Variants in ABAT observed in about 807,000 individuals in gnomAD.
ABAT encodes 4-aminobutyrate aminotransferase, mitochondrial.
ABAT carries 45 observed loss-of-function variants against 64.6 expected under a neutral mutation model. That is an observed-to-expected ratio of 0.70 (90% CI 0.55 to 0.89). The LOEUF is 0.89. Ranked by LOEUF, ABAT falls within the 40% of genes least tolerant of loss-of-function variation. The pLI, the probability that ABAT is intolerant of heterozygous loss-of-function variation, is 0.00. For missense variants in ABAT, 633 were observed against 658.4 expected (o/e 0.96, Z 0.42); for synonymous variants, 297 against 250.5 (o/e 1.19, Z -1.75).
In ABAT at chr16:8,780,866, G is replaced by C. The variant is rs528113882; in HGVS notation, c.1382-443G>C. 3 of 368,140 alleles carry C rather than the reference G, an allele frequency of 8.1e-6. No homozygotes were observed. In the Admixed American group the frequency reaches 1.2e-4, roughly 15 times the overall value. The allele number at this position is 368,140 out of a possible 1,614,324, so 22.8% of individuals were successfully genotyped here. A position where few individuals can be genotyped will look rare whatever the true frequency, so the allele number is the denominator to read the frequency against. ...AATAAGCAGAGCCTGTCCCTCCTCC[G>C]TAATAGCTCAGCACCTCACACATGC... On this transcript the variant is annotated intron_variant, in intron 15 of 15. Coordinates refer to ENST00000268251, the MANE Select transcript of ABAT (RefSeq NM_020686.6).
In ABAT at chr16:8,746,111, C is replaced by T. The variant is rs759610129; in HGVS notation, c.168+13C>T. The T allele has an allele frequency of 1.1e-5, 17 of 1,601,374 alleles. No individual in the cohort carries two copies. In the East Asian group the frequency reaches 3.3e-4, roughly 32 times the overall value. On this transcript the variant is annotated intron_variant, in intron 3 of 15. Coordinates refer to ENST00000268251, the MANE Select transcript of ABAT (RefSeq NM_020686.6). ...GCCTAGATCTCAGGTGAGTTGAGCA[C>T]ACCTGAGTGGGGTATTTTGGAAAAG... is the stretch of plus-strand genomic sequence containing the variant.
intron 4 of ABAT, among the ~76,000 whole-genome samples, chr16:8,748,785 A>T (rs182542767): frequency 3.3e-5 from 5 of 151,990 alleles, no homozygotes; most frequent in Admixed American, 3.3e-4. Flanking sequence ...CTTTCTCTCT[A>T]GTAATATTTT....
chr16:8,748,210 C>G, intron 4 of ABAT, 73 bp downstream of exon 4: 6 of 1,388,070 alleles, frequency 4.3e-6, no homozygotes, highest in Non-Finnish European at 6.1e-6. Context: ...GATGCTTAAT[C>G]TGTTCTGGCT....
chr16:8,703,102 G>A (rs991375993), intron 1 of ABAT, among the ~76,000 whole-genome samples: 1 of 151,830 alleles, frequency 6.6e-6, no homozygotes, highest in African/African-American at 2.4e-5. Context: ...TTATATGAAA[G>A]GATACTGGCT....
chr16:8,775,407 T>A (rs979953814), intron 13 of ABAT, among the ~76,000 whole-genome samples: 1 of 152,222 alleles, frequency 6.6e-6, no homozygotes, highest in Non-Finnish European at 1.5e-5. Flanking sequence ...AAGTAGCTGT[T>A]ATTTTTATCC....
At position 8,724,983 on chromosome 16, in the gene ABAT, C is replaced by G. The variant is rs552105004; in HGVS notation, c.-41-10716C>G. Among the ~76,000 whole-genome samples, 7 of 150,736 alleles carry G rather than the reference C, an allele frequency of 4.6e-5. No individual in the cohort carries two copies. The South Asian group carries it at 1.5e-3, about 31-fold the overall frequency. On this transcript the variant is annotated intron_variant, in intron 1 of 15. Coordinates refer to ENST00000268251, the MANE Select transcript of ABAT (RefSeq NM_020686.6). ...CCAGGCTGGAGTGCAGTGGCGCCAT[C>G]TCGGCTCACCGCAACCTCCGCCTCC...
chr16:8,772,553 C>A (rs1365402264), intron 11 of ABAT, among the ~76,000 whole-genome samples: 1 of 152,208 alleles, frequency 6.6e-6, no homozygotes, highest in Non-Finnish European at 1.5e-5. Context: ...AAATTACTTG[C>A]CCCAATTTAT....
At chr16:8,738,559 G>A (rs1449186151) in intron 2 of ABAT, 9 of 390,388 alleles carry the variant, frequency 2.3e-5, no homozygotes, top group Middle Eastern at 3.6e-4. Context: ...GTTTTAAGAA[G>A]TTATCAATGG....
chr16:8,732,201 T>G (rs2058743198), intron 1 of ABAT, among the ~76,000 whole-genome samples: 1 of 18,192 alleles, frequency 5.5e-5, no homozygotes, highest in African/African-American at 9.9e-5. Flanking sequence ...TTTTTGTTTT[T>G]TTTTTTTGTT....
chr16:8,719,077 G>A (rs1186626873), intron 1 of ABAT, among the ~76,000 whole-genome samples: 1 of 152,186 alleles, frequency 6.6e-6, no homozygotes, highest in African/African-American at 2.4e-5. Flanking sequence ...ACACCGACCT[G>A]ATTTGTTTGT....
chr16:8,759,635 C>T (rs1361351099), intron 6 of ABAT, among the ~76,000 whole-genome samples: 3 of 152,226 alleles, frequency 2.0e-5, no homozygotes, highest in Non-Finnish European at 4.4e-5. Context: ...ACCTCAGCCT[C>T]CTGAGTAGCA....
chr16:8,733,587 C>T lies in ABAT; in HGVS notation c.-41-2112C>T, dbSNP rs1257267860. Among the ~76,000 whole-genome samples the T allele has an allele frequency of 2.6e-5, 4 of 151,930 alleles. 1 individual carries two copies. Among genetic ancestry groups the T allele is most frequent in the African/African-American group, 7.3e-5 (3 of 41,170 alleles). ...GACTCCGTCTGTAATCCCGGCACCT[C>T]GGGAGGCCGAGGCTGGCGGATCACT... On this transcript the variant is annotated intron_variant, in intron 1 of 15. Transcript: ENST00000268251.
At chr16:8,697,384 G>A (rs568009560) in intron 1 of ABAT, among the ~76,000 whole-genome samples, 1 of 152,188 alleles carries the variant, frequency 6.6e-6, no homozygotes. Context: ...TCCGTGCAAA[G>A]TGGATTGAAC....
chr16:8,754,320 A>C (rs1208514569), intron 5 of ABAT, among the ~76,000 whole-genome samples: 2 of 152,006 alleles, frequency 1.3e-5, no homozygotes, highest in East Asian at 3.9e-4. Flanking sequence ...ACACCACTGC[A>C]CTCCAGCCTG....
intron 1 of ABAT, among the ~76,000 whole-genome samples, chr16:8,708,874 C>G (rs893594850): frequency 2.6e-5 from 4 of 152,158 alleles, no homozygotes; most frequent in Non-Finnish European, 5.9e-5. Flanking sequence ...TGAGAATAAA[C>G]AGCAGGTGCT....
At chr16:8,677,460 T>C (rs908691359) in intron 1 of ABAT, among the ~76,000 whole-genome samples, 1 of 152,194 alleles carries the variant, frequency 6.6e-6, no homozygotes, top group African/African-American at 2.4e-5. Context: ...AAGTCATTCA[T>C]GTCTCTGAAC....
chr16:8,783,006 A>G lies in ABAT; in HGVS notation c.*1576A>G, dbSNP rs113409406. Reference sequence around the variant, plus strand: ...TATTTTTGTTGAAGAATGAAAGGCAATGACAAGTTTAACATATACAAATTC... The same window carrying G: ...TATTTTTGTTGAAGAATGAAAGGCAGTGACAAGTTTAACATATACAAATTC... On this transcript the variant is annotated 3_prime_UTR_variant, in exon 16 of 16. Transcript: ENST00000268251. 3 of 152,216 alleles carry G rather than the reference A, an allele frequency of 2.0e-5. No homozygotes were observed. The highest frequency in any genetic ancestry group is 2.9e-5 in the Non-Finnish European group (2 of 68,016). 9.4% of individuals were successfully genotyped at this position (152,216 alleles called of 1,614,324 possible). A position where few individuals can be genotyped will look rare whatever the true frequency, so the allele number is the denominator to read the frequency against.
intron 2 of ABAT, chr16:8,736,012 A>T (rs148881945): frequency 3.5e-6 from 2 of 571,752 alleles, no homozygotes; most frequent in South Asian, 2.0e-5. Context: ...AAGAGGTTTA[A>T]TGGTCTCACA....
intron 12 of ABAT, among the ~76,000 whole-genome samples, chr16:8,773,439 A>G (rs1232723711): frequency 5.9e-5 from 9 of 151,422 alleles, no homozygotes; most frequent in Non-Finnish European, 1.3e-4. Flanking sequence ...GGCCTGAGCC[A>G]CCACACTTGG....
Sources: gnomAD v4.1 joint callset for allele counts (sites outside exome capture counted in the v4.1 genomes callset) on GRCh38, gnomAD v4.1.1 for gene constraint, MANE v1.5 for transcripts, NCBI Gene and HGNC (gene_info 2026-07-23, HGNC 2026-07-21) for gene names.